Variants in MYO1D observed in about 807,000 individuals in gnomAD.
MYO1D encodes the protein unconventional myosin-Id.
Under a neutral mutation model 122.0 loss-of-function variants are expected in MYO1D, and 83 were observed. The ratio of observed to expected loss-of-function variants is 0.68; its 90% CI spans 0.57 to 0.82. The LOEUF (loss-of-function observed/expected upper bound fraction) is 0.82. Ranked by LOEUF, MYO1D falls within the 40% of genes least tolerant of loss-of-function variation. The pLI is 0.00. For synonymous variants in MYO1D, 464 were observed against 446.9 expected, an observed-to-expected ratio of 1.04 and a Z score of -0.48; for missense variants, 1,157 against 1,269.5, an observed-to-expected ratio of 0.91 and a Z score of 1.35.
At chr17:32,666,157 T>C (rs960002765) in intron 16 of MYO1D, among the ~76,000 whole-genome samples, 2 of 152,164 alleles carry the variant, frequency 1.3e-5, no homozygotes, top group Non-Finnish European at 2.9e-5. Context: ...CCTCTTTATA[T>C]AGATTTTAAC....
chr17:32,509,750 A>T (rs1047830241), intron 21 of MYO1D, among the ~76,000 whole-genome samples: 1 of 152,022 alleles, frequency 6.6e-6, no homozygotes, highest in African/African-American at 2.4e-5. Flanking sequence ...CACCACACCC[A>T]GCTAATTTTT....
At chr17:32,862,243 C>T (rs754395243) in intron 1 of MYO1D, among the ~76,000 whole-genome samples, 1 of 152,194 alleles carries the variant, frequency 6.6e-6, no homozygotes, top group South Asian at 2.1e-4. Flanking sequence ...CTCTTCATAG[C>T]ACTTATTACT....
chr17:32,661,393 C>T (rs1465671619), intron 16 of MYO1D, among the ~76,000 whole-genome samples: 1 of 152,148 alleles, frequency 6.6e-6, no homozygotes, highest in Non-Finnish European at 1.5e-5. Flanking sequence ...TGGCTCATGC[C>T]TATAATCCTA....
chr17:32,517,579 C>T (rs1909937468), intron 21 of MYO1D, among the ~76,000 whole-genome samples: 1 of 152,126 alleles, frequency 6.6e-6, no homozygotes, highest in Non-Finnish European at 1.5e-5. Flanking sequence ...CCTGTGGACC[C>T]CTGAATGTCG....
chr17:32,570,479 C>T (rs1208508078), intron 21 of MYO1D, among the ~76,000 whole-genome samples: 2 of 152,002 alleles, frequency 1.3e-5, no homozygotes, highest in Admixed American at 6.5e-5. Context: ...ATTCTCCTGC[C>T]TCAGCCTCCA....
intron 21 of MYO1D, among the ~76,000 whole-genome samples, chr17:32,534,812 T>A (rs1380165962): frequency 6.6e-6 from 1 of 152,080 alleles, no homozygotes; most frequent in Non-Finnish European, 1.5e-5. Context: ...TGAGACCAGC[T>A]GGAGGGCCAC....
chr17:32,755,325 G>A (rs1056036227), intron 11 of MYO1D, among the ~76,000 whole-genome samples, 167 bp downstream of exon 11: 18 of 152,180 alleles, frequency 1.2e-4, no homozygotes, highest in African/African-American at 3.9e-4. Context: ...ATAAACCAGA[G>A]AGGCAGAATT....
chr17:32,764,093 A>C (rs1026000291), intron 8 of MYO1D, among the ~76,000 whole-genome samples: 1 of 152,210 alleles, frequency 6.6e-6, no homozygotes, highest in Non-Finnish European at 1.5e-5. Flanking sequence ...AAGGTGGTTA[A>C]ATAAATTGTG....
chr17:32,658,082 T>C (rs1047794368), intron 17 of MYO1D, among the ~76,000 whole-genome samples: 3 of 152,136 alleles, frequency 2.0e-5, no homozygotes, highest in Admixed American at 2.0e-4. Flanking sequence ...GAACTGAAGG[T>C]TGAGGTACTT....
chr17:32,520,446 A>G (rs1910094453), intron 21 of MYO1D, among the ~76,000 whole-genome samples: 1 of 152,272 alleles, frequency 6.6e-6, no homozygotes, highest in Admixed American at 6.5e-5. Context: ...AGCGAATAGC[A>G]AAACGGGGGC....
At chr17:32,564,196 C>T (rs1223123425) in intron 21 of MYO1D, among the ~76,000 whole-genome samples, 1 of 152,230 alleles carries the variant, frequency 6.6e-6, no homozygotes, top group Admixed American at 6.5e-5. Context: ...CCAGGCTAAC[C>T]TGGGAATGGA....
At chr17:32,610,185 C>T (rs1249692467) in intron 20 of MYO1D, among the ~76,000 whole-genome samples, 1 of 152,098 alleles carries the variant, frequency 6.6e-6, no homozygotes, top group Admixed American at 6.5e-5. Context: ...CTAGGTGCTA[C>T]CTGGACCAGA....
Position 32,514,239 on chromosome 17 carries a change from C to CA in MYO1D, c.2865-19325dup, listed in dbSNP as rs61570449. ...TGGGCGACAGAGCAAGACTTTGTCT[C>CA]AAAAAAAAAAAAAAAAAAAAAAAAA... On this transcript the variant is annotated intron_variant, in intron 21 of 21. Coordinates refer to ENST00000318217, the MANE Select transcript of MYO1D (RefSeq NM_015194.3). Among the ~76,000 whole-genome samples, 385 of 60,280 alleles carry CA rather than the reference C, an allele frequency of 6.4e-3. 11 individuals are homozygous for CA. Among genetic ancestry groups the CA allele is most frequent in the East Asian group, 0.023 (35 of 1,526 alleles). 39.5% of individuals were successfully genotyped at this position (60,280 alleles called of 152,430 possible). A position where few individuals can be genotyped will look rare whatever the true frequency, so the allele number is the denominator to read the frequency against.
intron 21 of MYO1D, among the ~76,000 whole-genome samples, chr17:32,530,846 G>A (rs929507484): frequency 3.3e-5 from 5 of 152,032 alleles, no homozygotes; most frequent in Non-Finnish European, 7.4e-5. Flanking sequence ...TCACCATTGA[G>A]TATAATTGAC....
At chr17:32,832,268 C>T (rs2090778154) in intron 1 of MYO1D, among the ~76,000 whole-genome samples, 1 of 151,414 alleles carries the variant, frequency 6.6e-6, no homozygotes, top group African/African-American at 2.4e-5. Context: ...CGCACCACCA[C>T]ACCTGACTAA....
intron 21 of MYO1D, among the ~76,000 whole-genome samples, chr17:32,579,436 C>T (rs936239370): frequency 6.6e-6 from 1 of 152,146 alleles, no homozygotes; most frequent in Non-Finnish European, 1.5e-5. Flanking sequence ...CAATTCATGG[C>T]CCTGTCTCAC....
intron 16 of MYO1D, among the ~76,000 whole-genome samples, chr17:32,673,674 T>C (rs1050544416): frequency 3.3e-5 from 5 of 152,172 alleles, no homozygotes; most frequent in South Asian, 2.1e-4. Context: ...GGTGGGAAGA[T>C]TGCTTGAGGC....
At chr17:32,844,269 C>T (rs1567668767) in intron 1 of MYO1D, among the ~76,000 whole-genome samples, 1 of 144,704 alleles carries the variant, frequency 6.9e-6, no homozygotes, top group Non-Finnish European at 1.5e-5. Flanking sequence ...ATGTATATAT[C>T]ATATATGATA....
intron 1 of MYO1D, among the ~76,000 whole-genome samples, chr17:32,826,476 G>A (rs2090723963): frequency 6.6e-6 from 1 of 152,202 alleles, no homozygotes; most frequent in Non-Finnish European, 1.5e-5. Context: ...AGTTGCAAAT[G>A]AGTAAATCAT....
Sources: gnomAD v4.1 joint callset for allele counts (sites outside exome capture counted in the v4.1 genomes callset) on GRCh38, gnomAD v4.1.1 for gene constraint, MANE v1.5 for transcripts, NCBI Gene and HGNC (gene_info 2026-07-23, HGNC 2026-07-21) for gene names.